RUFY3: variants seen among roughly 807,000 people sequenced by gnomAD.
RUFY3 encodes the protein protein RUFY3.
A neutral mutation model predicts 84.0 loss-of-function variants in RUFY3; 34 were observed. That is an observed-to-expected ratio of 0.40 (90% CI 0.31 to 0.54). The LOEUF is 0.54. RUFY3 is among the 20% of genes least tolerant of loss of function. The probability of loss-of-function intolerance (pLI) is 0.39; values close to 1 mark genes in which losing one functional copy is unlikely to be tolerated. For missense variants in RUFY3, 507 were observed against 736.8 expected, an observed-to-expected ratio of 0.69 and a Z score of 3.61; for synonymous variants, 242 against 252.9, an observed-to-expected ratio of 0.96 and a Z score of 0.41.
intron 1 of RUFY3, among the ~76,000 whole-genome samples, chr4:70,742,389 ACCC>A (rs1231244168): frequency 6.6e-6 from 1 of 152,090 alleles, no homozygotes; most frequent in Non-Finnish European, 1.5e-5. Context: ...TGTAGCACAC[ACCC>A]CTGACACACA....
At chr4:70,757,924 A>T (rs531903076) in intron 1 of RUFY3, among the ~76,000 whole-genome samples, 1 of 152,372 alleles carries the variant, frequency 6.6e-6, no homozygotes, top group Non-Finnish European at 1.5e-5. Context: ...TGAACATTTT[A>T]AAATTTTAAA....
intron 1 of RUFY3, chr4:70,734,259 T>C (rs1719917069): frequency 3.1e-6 from 1 of 318,600 alleles, no homozygotes; most frequent in African/African-American, 2.3e-5. Flanking sequence ...CCTAAGTGTT[T>C]GGAAAATAAA....
intron 1 of RUFY3, among the ~76,000 whole-genome samples, chr4:70,724,045 C>T (rs1187785436): frequency 6.6e-6 from 1 of 152,172 alleles, no homozygotes; most frequent in African/African-American, 2.4e-5. Flanking sequence ...GTTAATTAGA[C>T]AGCTTTCTTT....
intron 17 of RUFY3, among the ~76,000 whole-genome samples, chr4:70,805,498 G>A (rs976898353): frequency 1.3e-5 from 2 of 152,172 alleles, no homozygotes; most frequent in African/African-American, 4.8e-5. Context: ...AGAGATACAG[G>A]AAACAGGCTC....
At chr4:70,720,938 A>T (rs978541946), upstream of RUFY3, among the ~76,000 whole-genome samples, 1 of 140,760 alleles carries the variant, frequency 7.1e-6, no homozygotes, top group Non-Finnish European at 1.6e-5. Flanking sequence ...TGTGTGTATT[A>T]AGAAAATATA....
Position 70,793,995 on chromosome 4 carries a change from G to T in RUFY3, c.1457+91G>T, listed in dbSNP as rs115866836. 6,212 of 1,442,434 alleles carry T rather than the reference G, an allele frequency of 4.3e-3. 29 individuals are homozygous for T. Among genetic ancestry groups the T allele is most frequent in the Non-Finnish European group, 5.1e-3 (5,435 of 1,066,886 alleles). The allele number at this position is 1,442,434 out of a possible 1,614,324, so 89.4% of individuals were successfully genotyped here. On this transcript the variant is annotated intron_variant, in intron 13 of 17. Coordinates refer to ENST00000381006, the MANE Select transcript of RUFY3 (RefSeq NM_001037442.4). Reference sequence around the variant, plus strand: ...AAGGGGTCTCATGACTTCCAGCCAGGTTGGCTCTGTCTTTGCAATGTCCTT... The same window carrying T: ...AAGGGGTCTCATGACTTCCAGCCAGTTTGGCTCTGTCTTTGCAATGTCCTT...
chr4:70,759,048 G>A (rs999731801), intron 1 of RUFY3, among the ~76,000 whole-genome samples: 1 of 149,874 alleles, frequency 6.7e-6, no homozygotes, highest in Non-Finnish European at 1.5e-5. Context: ...AAAAAAAAAA[G>A]AAAATTATTG....
chr4:70,704,989 A>T, exon 1 of RUFY3: 1 of 1,223,456 alleles, frequency 8.2e-7, no homozygotes, highest in Admixed American at 4.3e-5. Flanking sequence ...TGCAGCGAGG[A>T]GCCGGCGAGG....
intron 16 of RUFY3, among the ~76,000 whole-genome samples, chr4:70,803,459 T>A (rs912326212): frequency 6.6e-6 from 1 of 152,074 alleles, no homozygotes; most frequent in African/African-American, 2.4e-5. Flanking sequence ...TTTCCTTTTT[T>A]TTTTTTTAAA....
At chr4:70,771,087 A>G (rs1290315067) in intron 5 of RUFY3, among the ~76,000 whole-genome samples, 1 of 152,178 alleles carries the variant, frequency 6.6e-6, no homozygotes, top group Non-Finnish European at 1.5e-5. Context: ...TGATAGTAAC[A>G]TCAAAGATCA....
chr4:70,768,781 C>T (rs1241552089), intron 5 of RUFY3, 120 bp downstream of exon 5: 14 of 933,894 alleles, frequency 1.5e-5, no homozygotes, highest in South Asian at 2.1e-5. Flanking sequence ...AACAGGATTT[C>T]CTTCCATTTT....
In RUFY3 at chr4:70,765,136, C is replaced by T. The variant is rs992209992; in HGVS notation, c.572+560C>T. On this transcript the variant is annotated intron_variant, in intron 4 of 17. Transcript: ENST00000381006. ...CTGGGAAGTAGAAGCTGCAGTGATCCGAGAGCGTGCCACCACTCTTCAGCC... is the reference window on the plus strand; with the variant it reads ...CTGGGAAGTAGAAGCTGCAGTGATCTGAGAGCGTGCCACCACTCTTCAGCC... 2.0e-5 allele frequency among the ~76,000 whole-genome samples: 3 copies of T among 147,226 alleles called. No individual in the cohort carries two copies. In the Admixed American group the frequency reaches 2.1e-4, roughly 10 times the overall value.
intron 1 of RUFY3, among the ~76,000 whole-genome samples, chr4:70,760,989 C>T (rs1315237867): frequency 6.6e-6 from 1 of 152,114 alleles, no homozygotes; most frequent in Non-Finnish European, 1.5e-5. Flanking sequence ...TAAATAAAAA[C>T]CTTGTATGAA....
At chr4:70,736,168 A>G (rs1003764488) in intron 1 of RUFY3, among the ~76,000 whole-genome samples, 22 of 151,710 alleles carry the variant, frequency 1.5e-4, no homozygotes, top group African/African-American at 5.1e-4. Flanking sequence ...AAAAAAAAAA[A>G]AGAAAAGAAA....
At chr4:70,794,591 G>C in intron 13 of RUFY3, 1 of 530,862 alleles carries the variant, frequency 1.9e-6, no homozygotes, top group Non-Finnish European at 3.3e-6. Context: ...AAAAAAGGTA[G>C]AGATTAGACA....
At chr4:70,762,844 T>C (rs905494965) in intron 2 of RUFY3, 152 bp downstream of exon 2, 1 of 674,784 alleles carries the variant, frequency 1.5e-6, no homozygotes, top group South Asian at 2.1e-5. Context: ...GGAGCAGGGT[T>C]ATGGTTGACT....
At position 70,792,069 on chromosome 4, in the gene RUFY3, C is replaced by G. The variant is rs1730914577; in HGVS notation, c.1338-1716C>G. 3 of 985,604 alleles carry G rather than the reference C, an allele frequency of 3.0e-6. No homozygotes were observed. In the Admixed American group the frequency reaches 1.8e-4, roughly 61 times the overall value. 61.1% of individuals were successfully genotyped at this position (985,604 alleles called of 1,614,324 possible). ...CTACCTCTGCCGTTTTCCTGCAATT[C>G]CGCTTCCTACTTAGGCAGTTCAGAG... On this transcript the variant is annotated intron_variant, in intron 12 of 17. Transcript: ENST00000381006.
At chr4:70,778,210 C>G (rs1728287510) in intron 7 of RUFY3, among the ~76,000 whole-genome samples, 159 bp from the exon 8 acceptor site, 1 of 151,910 alleles carries the variant, frequency 6.6e-6, no homozygotes, top group Non-Finnish European at 1.5e-5. Flanking sequence ...ACTCCAGTCT[C>G]AGCGACACAA....
intron 1 of RUFY3, among the ~76,000 whole-genome samples, chr4:70,760,336 A>G (rs74824907): frequency 0.02 from 3,078 of 152,316 alleles, 119 homozygotes; most frequent in East Asian, 0.16. Context: ...AGTTCTCACT[A>G]CGTTGGAATC....
Sources: gnomAD v4.1 joint callset for allele counts (sites outside exome capture counted in the v4.1 genomes callset) on GRCh38, gnomAD v4.1.1 for gene constraint, MANE v1.5 for transcripts, NCBI Gene and HGNC (gene_info 2026-07-23, HGNC 2026-07-21) for gene names.